Variants in GLI2 observed in about 807,000 individuals in gnomAD.
The protein encoded by GLI2 is GLI family zinc finger 2, also known as transcription activator GLI2.
GLI2 carries 22 observed loss-of-function variants against 78.9 expected under a neutral mutation model. That is an observed-to-expected ratio of 0.28 (90% CI 0.20 to 0.40). The LOEUF (loss-of-function observed/expected upper bound fraction) is 0.40, where lower values mean the gene tolerates loss of function less well. Among genes scored for constraint, GLI2 ranks in the 10% least tolerant of loss-of-function variants. The probability of loss-of-function intolerance (pLI) is 1.00; values close to 1 mark genes in which losing one functional copy is unlikely to be tolerated. For synonymous variants in GLI2, 974 were observed against 963.7 expected, an observed-to-expected ratio of 1.01 and a Z score of -0.20; for missense variants, 2,097 against 2,213.2, an observed-to-expected ratio of 0.95 and a Z score of 1.05.
chr2:120,964,375 T>C (rs576045516), intron 5 of GLI2, among the ~76,000 whole-genome samples: 25 of 152,252 alleles, frequency 1.6e-4, no homozygotes, highest in African/African-American at 2.2e-4. Context: ...TTGGAAAGTT[T>C]TGGGGAGAGG....
At chr2:120,979,934 C>T (rs963427178) in intron 10 of GLI2, among the ~76,000 whole-genome samples, 1 of 152,196 alleles carries the variant, frequency 6.6e-6, no homozygotes, top group Non-Finnish European at 1.5e-5. Context: ...TCAGTTAACA[C>T]GTTTGCAAGG....
Position 120,864,442 on chromosome 2 carries a change from G to T in GLI2, c.149-62919G>T, listed in dbSNP as rs532500936. On this transcript the variant is annotated intron_variant, in intron 2 of 13. Transcript: ENST00000361492. ...TGAAGGTAGGGGTCGAATGGGGATTGGAGTGGGCTTGCCAGAGGCACTCCC... is the reference window on the plus strand; with the variant it reads ...TGAAGGTAGGGGTCGAATGGGGATTTGAGTGGGCTTGCCAGAGGCACTCCC... Among the ~76,000 whole-genome samples, 3 of 152,292 alleles carry T rather than the reference G, an allele frequency of 2.0e-5. No homozygotes were observed. The East Asian group carries it at 5.8e-4, about 29-fold the overall frequency.
Position 120,849,441 on chromosome 2 carries a change from G to GTGA in GLI2, c.148+51990_148+51992dup, listed in dbSNP as rs897227915. Reference sequence around the variant, plus strand: ...CAGGTGTTTATCTTTTATGCCAATAGTGATGATGATGATGATGATCATGAT... The same window carrying GTGA: ...CAGGTGTTTATCTTTTATGCCAATAGTGATGATGATGATGATGATGATCATGAT... On this transcript the variant is annotated intron_variant, in intron 2 of 13. Transcript: ENST00000361492. Among the ~76,000 whole-genome samples, 192 of 152,184 alleles carry GTGA rather than the reference G, an allele frequency of 1.3e-3. 1 individual carries two copies. The highest frequency in any genetic ancestry group is 3.5e-3 in the African/African-American group (146 of 41,514).
At position 120,951,515 on chromosome 2, in the gene GLI2, G is replaced by A. The variant is rs11681136; in HGVS notation, c.457+70G>A. On this transcript the variant is annotated intron_variant, in intron 4 of 13. Coordinates refer to ENST00000361492, the MANE Select transcript of GLI2 (RefSeq NM_001374353.1). ...GCAGGGCGCAGCCAGCCTCTCTCAC[G>A]CTAACACTGTCAACTCCTCAGCCTT... is the stretch of plus-strand genomic sequence containing the variant. 904,406 of 952,978 alleles carry A rather than the reference G, an allele frequency of 0.95. 429,680 individuals are homozygous for A. Among genetic ancestry groups the A allele is most frequent in the East Asian group, 1 (41,131 of 41,138 alleles). 59.0% of individuals were successfully genotyped at this position (952,978 alleles called of 1,614,324 possible).
Position 120,984,602 on chromosome 2 carries a change from C to T in GLI2, c.1764C>T (p.Leu588=). Residue 588 remains leucine (L), a synonymous_variant, in exon 12 of 14, where the codon CTC becomes CTT. Transcript: ENST00000361492. ...AGAAGCAGCGCAATGACGTGCACCTCCGCACACCGCTGCTCAAAGAGAATG... is the reference window on the plus strand; with the variant it reads ...AGAAGCAGCGCAATGACGTGCACCTTCGCACACCGCTGCTCAAAGAGAATG... The part of the protein sequence containing the change: ...VTKKQRNDVH[L]RTPLLKENGD... The T allele has an allele frequency of 6.2e-7, 1 of 1,614,248 alleles. No homozygotes were observed. The highest frequency in any genetic ancestry group is 8.5e-7 in the Non-Finnish European group (1 of 1,180,038).
intron 1 of GLI2, among the ~76,000 whole-genome samples, chr2:120,796,388 A>G (rs779133110): frequency 2.0e-5 from 3 of 152,152 alleles, no homozygotes; most frequent in Non-Finnish European, 4.4e-5. Context: ...CTCCGCACAC[A>G]GCAATGGAGT....
At chr2:120,895,311 G>C (rs1249194333) in intron 2 of GLI2, among the ~76,000 whole-genome samples, 1 of 152,222 alleles carries the variant, frequency 6.6e-6, no homozygotes, top group African/African-American at 2.4e-5. Flanking sequence ...TGGCACTGGG[G>C]AACTGATGGA....
intron 3 of GLI2, among the ~76,000 whole-genome samples, chr2:120,930,064 C>G (rs554558151): frequency 4.6e-5 from 7 of 152,304 alleles, no homozygotes; most frequent in African/African-American, 1.4e-4. Flanking sequence ...TCAAAGTGCT[C>G]CCTGCACGGG....
At chr2:120,941,348 C>T (rs72955396) in intron 3 of GLI2, among the ~76,000 whole-genome samples, 71 of 152,354 alleles carry the variant, frequency 4.7e-4, no homozygotes, top group African/African-American at 1.7e-3. Flanking sequence ...GGTAAGCAAG[C>T]TTGCCAGTGT....
At chr2:120,775,503 C>T (rs959754215) in intron 1 of GLI2, among the ~76,000 whole-genome samples, 6 of 152,130 alleles carry the variant, frequency 3.9e-5, no homozygotes, top group African/African-American at 9.7e-5. Context: ...CCCTTCCTGG[C>T]GTTTGAAAGA....
At position 120,951,323 on chromosome 2, in the gene GLI2, A is replaced by T; in HGVS notation, c.335A>T (p.Glu112Val). 6.3e-7 allele frequency: 1 copy of T among 1,593,544 alleles called. No homozygotes were observed. Among genetic ancestry groups the T allele is most frequent in the Non-Finnish European group, 8.6e-7 (1 of 1,161,638 alleles). ...TCCCCGCACCCGGCTGGCCCTGGGGAGTCCCCCTTCAACGCCCCCCACCCG... is the reference window on the plus strand; with the variant it reads ...TCCCCGCACCCGGCTGGCCCTGGGGTGTCCCCCTTCAACGCCCCCCACCCG... ...RLSPHPAGPG[E>V]SPFNAPHPYV... The change falls in exon 4 of 14, where the codon GAG becomes GTG. Residue 112 changes from glutamate (E) to valine (V), a missense_variant. By Grantham distance (121) the Glu-to-Val change is moderately radical. This residue lies in a region of GLI2 where 578 missense variants were observed against 612.0 expected (regional missense o/e 0.94). Coordinates refer to ENST00000361492, the MANE Select transcript of GLI2 (RefSeq NM_001374353.1).
intron 2 of GLI2, among the ~76,000 whole-genome samples, chr2:120,850,567 C>T (rs1249495201): frequency 6.6e-6 from 1 of 152,174 alleles, no homozygotes; most frequent in Non-Finnish European, 1.5e-5. Context: ...TCTCTTACAG[C>T]GTAAGGGAGT....
At chr2:120,938,871 G>T (rs1468895154) in intron 3 of GLI2, among the ~76,000 whole-genome samples, 1 of 152,162 alleles carries the variant, frequency 6.6e-6, no homozygotes, top group Non-Finnish European at 1.5e-5. Flanking sequence ...CAGCCCTGTA[G>T]CCGTCCTGCT....
At chr2:120,803,181 G>A (rs1401838820) in intron 2 of GLI2, among the ~76,000 whole-genome samples, 1 of 152,218 alleles carries the variant, frequency 6.6e-6, no homozygotes, top group Non-Finnish European at 1.5e-5. Context: ...CTTAGTGCAG[G>A]CAGTGCTAAG....
chr2:120,927,493 C>T (rs1446664920), intron 3 of GLI2, 27 bp downstream of exon 3: 2 of 1,481,770 alleles, frequency 1.3e-6, no homozygotes, highest in Non-Finnish European at 1.9e-6. Context: ...GCCTGCTGCT[C>T]CTGGCGTGCA....
intron 1 of GLI2, among the ~76,000 whole-genome samples, chr2:120,789,022 T>G (rs1311459393): frequency 7.2e-6 from 1 of 138,072 alleles, no homozygotes; most frequent in Non-Finnish European, 1.5e-5. Context: ...TTATCACTTA[T>G]TTCTTTCTTT....
chr2:120,862,998 A>C (rs1407616520), intron 2 of GLI2, among the ~76,000 whole-genome samples: 1 of 151,822 alleles, frequency 6.6e-6, no homozygotes, highest in Non-Finnish European at 1.5e-5. Context: ...AGCTGCAAAA[A>C]CTCAAGTCTT....
At chr2:120,893,681 G>A (rs1349902237) in intron 2 of GLI2, among the ~76,000 whole-genome samples, 1 of 149,818 alleles carries the variant, frequency 6.7e-6, no homozygotes, top group African/African-American at 2.4e-5. Context: ...AAAAAGAAAA[G>A]CAAAACCAAG....
intron 2 of GLI2, among the ~76,000 whole-genome samples, chr2:120,907,764 C>T (rs145094051): frequency 1.8e-3 from 279 of 152,230 alleles, no homozygotes; most frequent in African/African-American, 6.0e-3. Flanking sequence ...CATAACCCCC[C>T]CAACACACAC....
Sources: gnomAD v4.1 joint callset for allele counts (sites outside exome capture counted in the v4.1 genomes callset) on GRCh38, gnomAD v4.1.1 for gene constraint, gnomAD v4.1.1 regional missense constraint, MANE v1.5 for transcripts, NCBI Gene and HGNC (gene_info 2026-07-23, HGNC 2026-07-21) for gene names.